DOK6: variants seen among roughly 807,000 people sequenced by gnomAD.
The protein encoded by DOK6 is docking protein 6.
A neutral mutation model predicts 44.0 loss-of-function variants in DOK6; 22 were observed. The ratio of observed to expected loss-of-function variants is 0.50; its 90% CI spans 0.36 to 0.71. The LOEUF (loss-of-function observed/expected upper bound fraction) is 0.71, where lower values mean the gene tolerates loss of function less well. Among genes scored for constraint, DOK6 ranks in the 30% least tolerant of loss-of-function variants. The pLI is 0.00. For missense variants in DOK6, 340 were observed against 416.4 expected (o/e 0.82, Z 1.60); for synonymous variants, 166 against 145.5 (o/e 1.14, Z -1.01).
chr18:69,584,025 G>A (rs1359282462), intron 2 of DOK6, among the ~76,000 whole-genome samples: 5 of 147,048 alleles, frequency 3.4e-5, no homozygotes, highest in Admixed American at 6.9e-5. Context: ...GGAGAATGGC[G>A]TGAACCCGGG....
chr18:69,471,989 C>T (rs1980125967), intron 1 of DOK6, among the ~76,000 whole-genome samples: 1 of 152,170 alleles, frequency 6.6e-6, no homozygotes, highest in Non-Finnish European at 1.5e-5. Flanking sequence ...AGTAGCATTA[C>T]TGTTCTAGTT....
At chr18:69,805,200 G>T (rs1365834134) in intron 7 of DOK6, among the ~76,000 whole-genome samples, 1 of 152,166 alleles carries the variant, frequency 6.6e-6, no homozygotes, top group Non-Finnish European at 1.5e-5. Context: ...GGTTTATTCT[G>T]TAACAGAGGC....
At chr18:69,531,502 GT>G (rs199985157) in intron 1 of DOK6, among the ~76,000 whole-genome samples, 4,646 of 147,458 alleles carry the variant, frequency 0.032, 88 homozygotes, top group Middle Eastern at 0.051. Flanking sequence ...CACTGCCACT[GT>G]TTTTTTTTTC....
chr18:69,462,233 G>A (rs79849778), intron 1 of DOK6, among the ~76,000 whole-genome samples: 3,088 of 152,090 alleles, frequency 0.02, 108 homozygotes, highest in African/African-American at 0.069. Context: ...GAAACCAAGC[G>A]CCCTGTGTAT....
chr18:69,569,659 C>T (rs924773245), intron 2 of DOK6, among the ~76,000 whole-genome samples: 1 of 152,136 alleles, frequency 6.6e-6, no homozygotes, highest in Non-Finnish European at 1.5e-5. Flanking sequence ...TGAAAATATC[C>T]TTACTCTTTT....
At chr18:69,731,215 TACTC>T (rs762685605) in intron 5 of DOK6, among the ~76,000 whole-genome samples, 1 of 152,206 alleles carries the variant, frequency 6.6e-6, no homozygotes, top group Non-Finnish European at 1.5e-5. Flanking sequence ...TGTAATCATC[TACTC>T]ACTGAGTTTT....
At chr18:69,469,822 G>T (rs545660926) in intron 1 of DOK6, 9 of 223,306 alleles carry the variant, frequency 4.0e-5, no homozygotes, top group East Asian at 3.3e-4. Flanking sequence ...ACTGTCTCCC[G>T]TGCCACTGGC....
At chr18:69,750,057 A>ATT (rs1382398774) in intron 6 of DOK6, among the ~76,000 whole-genome samples, 2 of 147,640 alleles carry the variant, frequency 1.4e-5, no homozygotes, top group African/African-American at 2.5e-5. Context: ...ATATATATAT[A>ATT]TTATATATAT....
chr18:69,455,059 TA>T (rs551002782), intron 1 of DOK6, among the ~76,000 whole-genome samples: 46 of 113,148 alleles, frequency 4.1e-4, no homozygotes, highest in African/African-American at 9.5e-4. Context: ...TAAAGTATAA[TA>T]AAAAAAAAAG....
intron 1 of DOK6, among the ~76,000 whole-genome samples, chr18:69,446,749 C>G (rs1289571541): frequency 6.6e-6 from 1 of 152,194 alleles, no homozygotes; most frequent in African/African-American, 2.4e-5. Flanking sequence ...GATCACCATT[C>G]TAACTGGTTT....
intron 7 of DOK6, among the ~76,000 whole-genome samples, chr18:69,837,782 G>T (rs540008188): frequency 6.6e-6 from 1 of 152,174 alleles, no homozygotes; most frequent in Non-Finnish European, 1.5e-5. Flanking sequence ...AAAAGCCCAT[G>T]GTAGTGGGGG....
intron 2 of DOK6, among the ~76,000 whole-genome samples, chr18:69,589,786 A>G (rs538256654): frequency 6.6e-6 from 1 of 152,296 alleles, no homozygotes; most frequent in African/African-American, 2.4e-5. Flanking sequence ...TAAATTATAT[A>G]TTCCAAATTT....
chr18:69,674,099 A>G (rs1001407131), intron 3 of DOK6, among the ~76,000 whole-genome samples: 2 of 152,236 alleles, frequency 1.3e-5, no homozygotes, highest in African/African-American at 2.4e-5. Context: ...CCAATTAAAT[A>G]GTGATAGAAA....
At chr18:69,613,458 C>T (rs567836238) in intron 3 of DOK6, among the ~76,000 whole-genome samples, 2 of 152,160 alleles carry the variant, frequency 1.3e-5, no homozygotes, top group East Asian at 3.9e-4. Context: ...TAGAGAAACC[C>T]AAAGTTTGGT....
chr18:69,552,502 A>G (rs1292148380), intron 1 of DOK6, among the ~76,000 whole-genome samples: 2 of 152,212 alleles, frequency 1.3e-5, no homozygotes, highest in African/African-American at 2.4e-5. Context: ...AAATACATCC[A>G]TAAGTTACCA....
At chr18:69,419,478 A>G (rs1473833707) in intron 1 of DOK6, among the ~76,000 whole-genome samples, 1 of 152,186 alleles carries the variant, frequency 6.6e-6, no homozygotes. Flanking sequence ...TTTCAAAAGA[A>G]AAGTAATAGC....
chr18:69,538,189 T>A (rs1982172796), intron 1 of DOK6, among the ~76,000 whole-genome samples: 1 of 152,144 alleles, frequency 6.6e-6, no homozygotes, highest in Non-Finnish European at 1.5e-5. Context: ...TATGAGAACT[T>A]ACATGAAAGG....
intron 1 of DOK6, among the ~76,000 whole-genome samples, chr18:69,429,663 A>ATATATATATATC (rs5825937): frequency 7.4e-4 from 81 of 110,050 alleles, no homozygotes; most frequent in Non-Finnish European, 1.5e-3. Flanking sequence ...ATATATATAT[A>ATATATATATATC]TCTTATTAAT....
chr18:69,799,799 G>A (rs143992963), intron 7 of DOK6, among the ~76,000 whole-genome samples: 64 of 152,134 alleles, frequency 4.2e-4, no homozygotes, highest in African/African-American at 1.3e-3. Flanking sequence ...CTCAGTGACC[G>A]AGGCATTTTA....
Sources: gnomAD v4.1 joint callset for allele counts (sites outside exome capture counted in the v4.1 genomes callset) on GRCh38, gnomAD v4.1.1 for gene constraint, MANE v1.5 for transcripts, NCBI Gene and HGNC (gene_info 2026-07-23, HGNC 2026-07-21) for gene names.